HGD: variants seen among roughly 807,000 people sequenced by gnomAD.
HGD encodes homogentisate 1,2-dioxygenase.
In HGD, 61 loss-of-function variants were observed where a neutral mutation model predicts 60.8. That is an observed-to-expected ratio of 1.00 (90% CI 0.82 to 1.24). The LOEUF is 1.24. HGD is among the 50% of genes most tolerant of loss of function. The pLI is 0.00. For synonymous variants in HGD, 212 were observed against 187.7 expected (o/e 1.13, Z -1.06); for missense variants, 542 against 547.1 (o/e 0.99, Z 0.09).
Position 120,628,329 on chromosome 3 carries a change from T to C in HGD, c.*51A>G. The C allele has an allele frequency of 6.3e-7, 1 of 1,588,368 alleles. No individual in the cohort carries two copies. Among genetic ancestry groups the C allele is most frequent in the South Asian group, 1.1e-5 (1 of 90,578 alleles). ...AATACTACCAGAAAGCATGAGATTCTGAAGAAATCTTCACAAATCTACTCT... is the reference window on the plus strand; with the variant it reads ...AATACTACCAGAAAGCATGAGATTCCGAAGAAATCTTCACAAATCTACTCT... On this transcript the variant is annotated 3_prime_UTR_variant, in exon 14 of 14. Coordinates refer to ENST00000283871, the MANE Select transcript of HGD (RefSeq NM_000187.4).
At chr3:120,650,179 CAG>C (rs1941296399) in intron 6 of HGD, among the ~76,000 whole-genome samples, 1 of 152,204 alleles carries the variant, frequency 6.6e-6, no homozygotes, top group Non-Finnish European at 1.5e-5. Context: ...CCTGCAACTA[CAG>C]AGTTTCTAAG....
At chr3:120,665,673 C>T (rs1247798061) in intron 4 of HGD, among the ~76,000 whole-genome samples, 1 of 152,246 alleles carries the variant, frequency 6.6e-6, no homozygotes, top group Non-Finnish European at 1.5e-5. Context: ...GAGCAGCCCC[C>T]AGTCTTCCTG....
chr3:120,679,333 T>G (rs1708190276), intron 1 of HGD, among the ~76,000 whole-genome samples: 1 of 152,174 alleles, frequency 6.6e-6, no homozygotes, highest in Non-Finnish European at 1.5e-5. Context: ...GAAGTCAGGG[T>G]AGAGATGAAA....
chr3:120,643,921 A>C (rs973630524), intron 10 of HGD, among the ~76,000 whole-genome samples: 2 of 152,244 alleles, frequency 1.3e-5, no homozygotes, highest in African/African-American at 4.8e-5. Context: ...ATTGGAGACT[A>C]TAAATCTTGG....
chr3:120,667,326 CAAAAAAA>C (rs71133514), intron 4 of HGD, among the ~76,000 whole-genome samples: 5 of 60,046 alleles, frequency 8.3e-5, no homozygotes, highest in East Asian at 1.4e-3. Flanking sequence ...ACTCTTGTCT[CAAAAAAA>C]AAAAAAAAAA....
chr3:120,655,732 G>A (rs976265852), intron 4 of HGD, among the ~76,000 whole-genome samples: 8 of 152,328 alleles, frequency 5.3e-5, no homozygotes, highest in African/African-American at 1.4e-4. Flanking sequence ...AACTCTCTGA[G>A]CCAAGGCCAG....
Position 120,644,421 on chromosome 3 carries a change from A to G in HGD, c.672T>C (p.Pro224=). 3 of 1,614,112 alleles carry G rather than the reference A, an allele frequency of 1.9e-6. No individual in the cohort carries two copies. Among genetic ancestry groups the G allele is most frequent in the Non-Finnish European group, 2.5e-6 (3 of 1,179,994 alleles). The change falls in exon 10 of 14, where the codon CCT becomes CCC. Residue 224 remains proline (P), a synonymous_variant. Transcript: ENST00000283871. ...GPIGANGLAN[P]RDFLIPIAWY... ...AGGCAATGGGTATCAAGAAATCACG[A>G]GGATTGGCCAAGCCATTGGCCCCTA...
intron 4 of HGD, among the ~76,000 whole-genome samples, chr3:120,655,482 A>G (rs35002954): frequency 0.83 from 126,537 of 152,248 alleles, 53,796 homozygotes; most frequent in East Asian, 0.98. Context: ...ATTATACAGA[A>G]TCTATATTCA....
Position 120,638,539 on chromosome 3 carries a change from G to A in HGD, c.922C>T (p.Pro308Ser), listed in dbSNP as rs765452552. ...ACAAAATCAGCAATGGCCACTCCAG[G>A]GCGGACAGACTTAGCAGTCAATACT... The part of the protein sequence containing the change: ...FTVLTAKSVR[P>S]GVAIADFVIF... The change falls in exon 12 of 14, where the codon CCT becomes TCT. Residue 308 changes from proline (P) to serine (S), a missense_variant. Physicochemically the swap from Pro to Ser is moderately conservative, Grantham distance 74. This residue lies in a region of HGD where 537 missense variants were observed against 529.1 expected (regional missense o/e 1.01). Coordinates refer to ENST00000283871, the MANE Select transcript of HGD (RefSeq NM_000187.4). 4.3e-6 allele frequency: 7 copies of A among 1,613,964 alleles called. No individual in the cohort carries two copies. The highest frequency in any genetic ancestry group is 2.2e-5 in the East Asian group (1 of 44,850).
intron 6 of HGD, 108 bp from the exon 7 acceptor site, chr3:120,648,019 G>A (rs1164801788): frequency 3.2e-6 from 3 of 940,710 alleles, no homozygotes; most frequent in African/African-American, 3.2e-5. Flanking sequence ...GCTCAGAGCT[G>A]GGTATAAAAT....
At chr3:120,643,498 C>T (rs925225295) in intron 10 of HGD, among the ~76,000 whole-genome samples, 6 of 152,130 alleles carry the variant, frequency 3.9e-5, no homozygotes, top group East Asian at 1.9e-4. Flanking sequence ...GAGACCTTGA[C>T]CCAGAGAATA....
chr3:120,630,394 C>T (rs1940547469), intron 13 of HGD, among the ~76,000 whole-genome samples: 1 of 152,020 alleles, frequency 6.6e-6, no homozygotes, highest in African/African-American at 2.4e-5. Flanking sequence ...GCTACAGTAA[C>T]CAAAACAGTG....
intron 3 of HGD, among the ~76,000 whole-genome samples, chr3:120,671,917 C>A (rs573487075): frequency 1.3e-5 from 2 of 149,992 alleles, no homozygotes; most frequent in African/African-American, 4.9e-5. Flanking sequence ...TGTTCTCACT[C>A]ATAAGTGGGA....
At chr3:120,680,916 T>G (rs752469982) in intron 1 of HGD, among the ~76,000 whole-genome samples, 3 of 152,230 alleles carry the variant, frequency 2.0e-5, no homozygotes, top group African/African-American at 4.8e-5. Flanking sequence ...AGGAAATTTT[T>G]TTTTGACTCT....
intron 9 of HGD, among the ~76,000 whole-genome samples, 160 bp downstream of exon 9, chr3:120,646,107 T>C (rs1393272058): frequency 6.6e-6 from 1 of 152,212 alleles, no homozygotes; most frequent in East Asian, 1.9e-4. Context: ...CTGTTTTGCA[T>C]ATATTTTCTG....
Position 120,682,188 on chromosome 3 carries a change from T to C in HGD, c.-77A>G. The C allele has an allele frequency of 1.4e-6, 2 of 1,389,514 alleles. No homozygotes were observed. Among genetic ancestry groups the C allele is most frequent in the South Asian group, 1.2e-5 (1 of 86,516 alleles). The allele number at this position is 1,389,514 out of a possible 1,614,324, so 86.1% of individuals were successfully genotyped here. ...ATAAAGCCACAATGCTTCTTTCTCC[T>C]TCAAACCACTCTTTGGATATTCCGG... On this transcript the variant is annotated 5_prime_UTR_variant, in exon 1 of 14. Coordinates refer to ENST00000283871, the MANE Select transcript of HGD (RefSeq NM_000187.4).
chr3:120,635,305 G>T (rs1324635105), intron 12 of HGD, among the ~76,000 whole-genome samples: 1 of 151,720 alleles, frequency 6.6e-6, no homozygotes. Flanking sequence ...GTGAAACCTC[G>T]TCTCTACTAA....
rs61375071 is a variant in HGD at position 120,630,798 on chromosome 3, T to TTATATATATATATATATA, written c.1189-2287_1189-2270dup. 9.1e-3 allele frequency among the ~76,000 whole-genome samples: 801 copies of TTATATATATATATATATA among 87,832 alleles called. 8 individuals carry two copies. The highest frequency in any genetic ancestry group is 0.03 in the African/African-American group (478 of 15,970). 57.6% of individuals were successfully genotyped at this position (87,832 alleles called of 152,430 possible). On this transcript the variant is annotated intron_variant, in intron 13 of 13. Transcript: ENST00000283871. ...ATGGATCTAATTAAACTTAAGAGCT[T>TTATATATATATATATATA]TATATATATATATATATATATATAT... is the stretch of plus-strand genomic sequence containing the variant.
In HGD at chr3:120,630,843, T is replaced by TACACACACACAC. The variant is rs111540631; in HGVS notation, c.1188+2292_1188+2303dup. The stretch of plus-strand genomic sequence containing the variant: ...ATATATATACACATACACACACACA[T>TACACACACACAC]ACACACACACACACACACACACACA... On this transcript the variant is annotated intron_variant, in intron 13 of 13. Coordinates refer to ENST00000283871, the MANE Select transcript of HGD (RefSeq NM_000187.4). 3.7e-3 allele frequency among the ~76,000 whole-genome samples: 429 copies of TACACACACACAC among 116,592 alleles called. 4 individuals are homozygous for TACACACACACAC. Among genetic ancestry groups the TACACACACACAC allele is most frequent in the Middle Eastern group, 8.5e-3 (2 of 234 alleles). 76.5% of individuals were successfully genotyped at this position (116,592 alleles called of 152,430 possible). A position where few individuals can be genotyped will look rare whatever the true frequency, so the allele number is the denominator to read the frequency against.
Sources: allele counts gnomAD v4.1 joint callset (sites outside exome capture counted in the v4.1 genomes callset), GRCh38; gene constraint gnomAD v4.1.1; regional missense constraint gnomAD v4.1.1; transcripts MANE v1.5; gene names NCBI Gene and HGNC (gene_info 2026-07-23, HGNC 2026-07-21).